Variants in CNTN5 observed in about 807,000 individuals in gnomAD.
CNTN5 encodes contactin-5.
Under a neutral mutation model 129.1 loss-of-function variants are expected in CNTN5, and 77 were observed. The ratio of observed to expected loss-of-function variants is 0.60; its 90% CI spans 0.50 to 0.72. CNTN5 has a LOEUF of 0.72. CNTN5 is among the 30% of genes least tolerant of loss of function. CNTN5 has a pLI of 0.00. For missense variants in CNTN5, 1,478 were observed against 1,328.8 expected, an observed-to-expected ratio of 1.11 and a Z score of -1.75; for synonymous variants, 509 against 465.6, an observed-to-expected ratio of 1.09 and a Z score of -1.20.
At chr11:99,818,542 C>T (rs1490494394) in intron 3 of CNTN5, among the ~76,000 whole-genome samples, 3 of 151,382 alleles carry the variant, frequency 2.0e-5, no homozygotes, top group Non-Finnish European at 2.9e-5. Flanking sequence ...AGGCATGAGC[C>T]GACGTGCCTG....
chr11:100,009,893 CT>C (rs1464920138), intron 9 of CNTN5, among the ~76,000 whole-genome samples: 2 of 152,108 alleles, frequency 1.3e-5, no homozygotes, highest in African/African-American at 4.8e-5. Flanking sequence ...AATTAACTGC[CT>C]TTTGGCAGTG....
chr11:100,238,688 A>G (rs1206141890), intron 16 of CNTN5, among the ~76,000 whole-genome samples: 1 of 152,136 alleles, frequency 6.6e-6, no homozygotes, highest in African/African-American at 2.4e-5. Flanking sequence ...TAACTGGTAG[A>G]TATTGTTGAT....
At chr11:99,238,101 A>C (rs971451302) in intron 1 of CNTN5, among the ~76,000 whole-genome samples, 1 of 152,188 alleles carries the variant, frequency 6.6e-6, no homozygotes, top group African/African-American at 2.4e-5. Context: ...ATCATATAGC[A>C]ATATATATTA....
intron 1 of CNTN5, among the ~76,000 whole-genome samples, chr11:99,021,928 C>G (rs1273187099): frequency 6.6e-6 from 1 of 152,128 alleles, no homozygotes; most frequent in Non-Finnish European, 1.5e-5. Flanking sequence ...ATACACAAAC[C>G]TGAGAATTAC....
intron 1 of CNTN5, among the ~76,000 whole-genome samples, chr11:99,088,680 G>A (rs1367125142): frequency 2.0e-5 from 3 of 152,112 alleles, no homozygotes; most frequent in African/African-American, 7.2e-5. Flanking sequence ...GTACATTATA[G>A]CAACTCGGAG....
intron 3 of CNTN5, among the ~76,000 whole-genome samples, chr11:99,572,519 T>C (rs994868727): frequency 1.3e-5 from 2 of 152,138 alleles, no homozygotes; most frequent in Non-Finnish European, 2.9e-5. Context: ...AGTGATAGAA[T>C]TGGCACTATC....
intron 13 of CNTN5, among the ~76,000 whole-genome samples, chr11:100,128,773 A>C (rs1198057177): frequency 6.6e-6 from 1 of 151,950 alleles, no homozygotes; most frequent in Non-Finnish European, 1.5e-5. Flanking sequence ...GTGCTACTAC[A>C]TCTATCTGGG....
intron 17 of CNTN5, among the ~76,000 whole-genome samples, chr11:100,268,278 A>G (rs1488567985): frequency 6.6e-6 from 1 of 152,164 alleles, no homozygotes; most frequent in Non-Finnish European, 1.5e-5. Context: ...GGTTTAGCGT[A>G]AAGTTATTGG....
chr11:100,148,871 A>C (rs573744915), intron 13 of CNTN5, among the ~76,000 whole-genome samples: 1 of 152,134 alleles, frequency 6.6e-6, no homozygotes, highest in Non-Finnish European at 1.5e-5. Context: ...TTTAGTAATA[A>C]ATATTTTGGC....
Position 99,240,878 on chromosome 11 carries a change from A to G in CNTN5, c.-209-84468A>G, listed in dbSNP as rs555750766. Among the ~76,000 whole-genome samples, 313 of 152,276 alleles carry G rather than the reference A, an allele frequency of 2.1e-3. 2 individuals are homozygous for G. The highest frequency in any genetic ancestry group is 3.8e-3 in the Non-Finnish European group (256 of 68,028). On this transcript the variant is annotated intron_variant, in intron 1 of 24. Coordinates refer to ENST00000524871, the MANE Select transcript of CNTN5 (RefSeq NM_014361.4). ...CTGCCCCGTAAAACCAAACACACAG[A>G]CTGTGTTAATGTCAGGGTTTTAACA...
At chr11:100,298,134 A>G (rs1054108550) in intron 19 of CNTN5, among the ~76,000 whole-genome samples, 3 of 151,454 alleles carry the variant, frequency 2.0e-5, no homozygotes, top group Non-Finnish European at 3.0e-5. Flanking sequence ...TTATTATTAA[A>G]TGTAAATAGC....
chr11:99,373,494 A>G (rs1175589677), intron 2 of CNTN5, among the ~76,000 whole-genome samples: 1 of 151,882 alleles, frequency 6.6e-6, no homozygotes, highest in Non-Finnish European at 1.5e-5. Flanking sequence ...TGGGTGGATG[A>G]CCTGAGGTCA....
At chr11:99,995,907 C>T (rs1939412239) in intron 8 of CNTN5, among the ~76,000 whole-genome samples, 1 of 152,160 alleles carries the variant, frequency 6.6e-6, no homozygotes, top group Non-Finnish European at 1.5e-5. Context: ...CATCTACCAC[C>T]TCTAAATGAC....
intron 9 of CNTN5, among the ~76,000 whole-genome samples, chr11:100,013,911 G>C (rs1940674474): frequency 6.6e-6 from 1 of 152,056 alleles, no homozygotes; most frequent in Admixed American, 6.6e-5. Context: ...ATTCTTAAAA[G>C]TAGTATGTGT....
At chr11:99,651,337 T>G (rs2135881283) in intron 3 of CNTN5, among the ~76,000 whole-genome samples, 1 of 151,884 alleles carries the variant, frequency 6.6e-6, no homozygotes, top group Non-Finnish European at 1.5e-5. Context: ...GGGAAAGAAG[T>G]TAAAATATAA....
rs1002736004 is a variant in CNTN5 at position 99,050,031 on chromosome 11, G to A, written c.-210+28761G>A. On this transcript the variant is annotated intron_variant, in intron 1 of 24. Coordinates refer to ENST00000524871, the MANE Select transcript of CNTN5 (RefSeq NM_014361.4). ...TATTATGCAATGAATTAGTTTCTAT[G>A]ATAACTACTTTTTGTTTTATAGCAA... Among the ~76,000 whole-genome samples the A allele has an allele frequency of 2.6e-5, 4 of 152,010 alleles. No homozygotes were observed. In the East Asian group the frequency reaches 7.7e-4, roughly 29 times the overall value.
At chr11:100,014,238 A>T (rs1940692232) in intron 9 of CNTN5, among the ~76,000 whole-genome samples, 1 of 152,134 alleles carries the variant, frequency 6.6e-6, no homozygotes, top group South Asian at 2.1e-4. Context: ...ACCACATTTG[A>T]TGCAGCCCTC....
chr11:99,183,360 G>C (rs898869737), intron 1 of CNTN5, among the ~76,000 whole-genome samples: 1 of 152,106 alleles, frequency 6.6e-6, no homozygotes, highest in Non-Finnish European at 1.5e-5. Flanking sequence ...CCAGATAGAA[G>C]TTATTCCTCT....
intron 1 of CNTN5, among the ~76,000 whole-genome samples, chr11:99,063,306 A>G (rs971293319): frequency 7.0e-4 from 107 of 152,214 alleles, no homozygotes; most frequent in African/African-American, 2.5e-3. Flanking sequence ...CTGTATGTAA[A>G]GCCAGGTGGA....
Sources: gnomAD v4.1 joint callset for allele counts (sites outside exome capture counted in the v4.1 genomes callset) on GRCh38, gnomAD v4.1.1 for gene constraint, MANE v1.5 for transcripts, NCBI Gene and HGNC (gene_info 2026-07-23, HGNC 2026-07-21) for gene names.